The following ELFN2 variants were observed in gnomAD, a reference collection of about 807,000 sequenced individuals.
ELFN2 encodes protein phosphatase 1 regulatory subunit 29.
A neutral mutation model predicts 45.5 loss-of-function variants in ELFN2; 17 were observed. The observed-to-expected ratio is 0.37, with a 90% CI of 0.26 to 0.56. The LOEUF (loss-of-function observed/expected upper bound fraction) is 0.56. Ranked by LOEUF, ELFN2 falls within the 20% of genes least tolerant of loss-of-function variation. The probability of loss-of-function intolerance (pLI) is 0.77; values close to 1 mark genes in which losing one functional copy is unlikely to be tolerated. For synonymous variants in ELFN2, 550 were observed against 551.5 expected, an observed-to-expected ratio of 1.00 and a Z score of 0.04; for missense variants, 922 against 1,183.2, an observed-to-expected ratio of 0.78 and a Z score of 3.24.
At chr22:37,405,842 G>A (rs887729333) in intron 2 of ELFN2, among the ~76,000 whole-genome samples, 5 of 150,354 alleles carry the variant, frequency 3.3e-5, no homozygotes, top group Non-Finnish European at 5.9e-5. Context: ...AAGGGTGGAG[G>A]GGGGGTGGTC....
At chr22:37,376,374 A>T (rs1931587073) in intron 2 of ELFN2, among the ~76,000 whole-genome samples, 1 of 150,742 alleles carries the variant, frequency 6.6e-6, no homozygotes, top group South Asian at 2.1e-4. Flanking sequence ...CATGAGCCAG[A>T]CCTCCATGGC....
chr22:37,342,194 C>A (rs73408357), intron 2 of ELFN2, among the ~76,000 whole-genome samples: 1 of 152,176 alleles, frequency 6.6e-6, no homozygotes, highest in African/African-American at 2.4e-5. Flanking sequence ...CACGGAGAAG[C>A]GGAGTGAAGC....
At chr22:37,391,616 A>G (rs1041026671) in intron 2 of ELFN2, among the ~76,000 whole-genome samples, 8 of 152,286 alleles carry the variant, frequency 5.3e-5, no homozygotes, top group African/African-American at 1.9e-4. Flanking sequence ...CTCCCCAGAT[A>G]CAAGTCCAGC....
chr22:37,414,113 C>G (rs1932722533), intron 2 of ELFN2, among the ~76,000 whole-genome samples: 1 of 152,166 alleles, frequency 6.6e-6, no homozygotes, highest in Admixed American at 6.5e-5. Context: ...TTTATTGAAC[C>G]TCTACTATGT....
rs535932449 is a variant in ELFN2, at chr22:37,361,624, C to A, written n.149-18921G>T. Among the ~76,000 whole-genome samples, 7 of 152,276 alleles carry A rather than the reference C, an allele frequency of 4.6e-5. No homozygotes were observed. In the South Asian group the frequency reaches 1.0e-3, roughly 23 times the overall value. On this transcript the variant is annotated intron_variant and non_coding_transcript_variant, in intron 1 of 2. Coordinates refer to ENST00000452946, the Ensembl canonical transcript of ELFN2. The stretch of plus-strand genomic sequence containing the variant: ...CCCATCCCACACCATCTGACTTCTA[C>A]CCCCAGGCCCCATTAACTCAGAGCC...
intron 2 of ELFN2, among the ~76,000 whole-genome samples, chr22:37,391,340 C>T (rs535893970): frequency 7.2e-5 from 11 of 152,272 alleles, no homozygotes; most frequent in East Asian, 3.9e-4. Flanking sequence ...ACCCAGGGCC[C>T]GGCACCGTCC....
downstream of ELFN2, among the ~76,000 whole-genome samples, chr22:37,367,254 C>G (rs769984867): frequency 6.6e-6 from 1 of 152,228 alleles, no homozygotes; most frequent in East Asian, 1.9e-4. Flanking sequence ...GGCGGTTCAG[C>G]CTGCAGTCCA....
chr22:37,387,127 C>T (rs1177342627), intron 2 of ELFN2, among the ~76,000 whole-genome samples: 1 of 152,198 alleles, frequency 6.6e-6, no homozygotes. Context: ...AAGGATGGGG[C>T]CTGGCCTGTC....
intron 1 of ELFN2, among the ~76,000 whole-genome samples, chr22:37,360,628 G>A (rs1004366285): frequency 3.9e-5 from 6 of 152,210 alleles, no homozygotes; most frequent in African/African-American, 1.2e-4. Context: ...GAGGGGAGTC[G>A]ATGATCAGCT....
intron 2 of ELFN2, among the ~76,000 whole-genome samples, chr22:37,408,343 G>A (rs1296077407): frequency 6.6e-6 from 1 of 152,250 alleles, no homozygotes. Flanking sequence ...TGCTGGCACA[G>A]GCGTCCCTTG....
At chr22:37,358,685 C>T (rs1569127594) in intron 1 of ELFN2, among the ~76,000 whole-genome samples, 1 of 152,114 alleles carries the variant, frequency 6.6e-6, no homozygotes, top group Non-Finnish European at 1.5e-5. Flanking sequence ...AGGCATGAGT[C>T]GGTGATGGGC....
chr22:37,373,963 G>A lies in ELFN2; in HGVS notation c.1572C>T (p.Leu524=), dbSNP rs779860760. The change falls in exon 3 of 3, where the codon CTC becomes CTT. Residue 524 remains leucine (L), a synonymous_variant. Transcript: ENST00000402918. ...LARPEDDLPD[L]ENGQGSAAEI... is the part of the protein sequence containing the mutation. ...CTGCAGCCGAGCCCTGGCCGTTCTC[G>A]AGGTCCGGGAGGTCATCCTCGGGCC... The A allele has an allele frequency of 4.3e-6, 7 of 1,612,884 alleles. No individual in the cohort carries two copies. The highest frequency in any genetic ancestry group is 1.3e-5 in the African/African-American group (1 of 74,912).
intron 2 of ELFN2, among the ~76,000 whole-genome samples, chr22:37,394,780 C>T (rs1932169572): frequency 6.6e-6 from 1 of 152,206 alleles, no homozygotes; most frequent in Non-Finnish European, 1.5e-5. Flanking sequence ...GCAAACTCAA[C>T]ACCAACCCCC....
chr22:37,412,292 A>AAAAAAAAAAAG (rs57769146), intron 2 of ELFN2, among the ~76,000 whole-genome samples: 5 of 146,366 alleles, frequency 3.4e-5, no homozygotes, highest in African/African-American at 1.0e-4. Context: ...AAAAAAAAAA[A>AAAAAAAAAAAG]AAAGAAAGAA....
In ELFN2 at chr22:37,380,022, C is replaced by T. The variant is rs529920614; in HGVS notation, c.-462-4026G>A. Among the ~76,000 whole-genome samples, 4 of 152,322 alleles carry T rather than the reference C, an allele frequency of 2.6e-5. No homozygotes were observed. In the East Asian group the frequency reaches 7.7e-4, roughly 29 times the overall value. ...GGTTTTATAGTTATTTCTTCACAAC[C>T]CTCATCACCCAAGATCAGGGTTCCC... is the stretch of plus-strand genomic sequence containing the variant. On this transcript the variant is annotated intron_variant, in intron 2 of 2. Transcript: ENST00000402918.
In ELFN2 at chr22:37,422,947, G is replaced by T. The variant is rs1022023824; in HGVS notation, c.-614+4351C>A. Among the ~76,000 whole-genome samples, 12 of 132,678 alleles carry T rather than the reference G, an allele frequency of 9.0e-5. 1 individual carries two copies. Among genetic ancestry groups the T allele is most frequent in the East Asian group, 5.9e-4 (3 of 5,048 alleles). 87.0% of individuals were successfully genotyped at this position (132,678 alleles called of 152,430 possible). Reference sequence around the variant, plus strand: ...CATATTGAGGAAACTGGGCCTCGGGGGGGGGGGGGGAAGTGACTTGCCCAG... The same window carrying T: ...CATATTGAGGAAACTGGGCCTCGGGTGGGGGGGGGGAAGTGACTTGCCCAG... On this transcript the variant is annotated intron_variant, in intron 1 of 2. Coordinates refer to ENST00000402918, the MANE Select transcript of ELFN2 (RefSeq NM_052906.5).
At chr22:37,413,403 CAA>C (rs3041591) in intron 2 of ELFN2, among the ~76,000 whole-genome samples, 23,194 of 137,502 alleles carry the variant, frequency 0.17, 3,063 homozygotes, top group African/African-American at 0.38. Flanking sequence ...CCCGTCTCTA[CAA>C]AAAAAAAAAA....
chr22:37,408,722 C>A (rs1334829790), intron 2 of ELFN2, among the ~76,000 whole-genome samples: 1 of 152,198 alleles, frequency 6.6e-6, no homozygotes, highest in Non-Finnish European at 1.5e-5. Flanking sequence ...TGGCCAGTTT[C>A]AAATCCTGAT....
At chr22:37,348,112 G>T (rs1381837689) in intron 1 of ELFN2, among the ~76,000 whole-genome samples, 1 of 152,196 alleles carries the variant, frequency 6.6e-6, no homozygotes, top group Admixed American at 6.5e-5. Flanking sequence ...GCCCAATTGG[G>T]ATGCCCTCCT....
Sources: allele counts gnomAD v4.1 joint callset (sites outside exome capture counted in the v4.1 genomes callset), GRCh38; gene constraint gnomAD v4.1.1; transcripts MANE v1.5; gene names NCBI Gene and HGNC (gene_info 2026-07-23, HGNC 2026-07-21).